CDIN1: variants seen among roughly 807,000 people sequenced by gnomAD.
The protein encoded by CDIN1 is CDAN1 interacting nuclease 1, also known as CDAN1-interacting nuclease 1.
Under a neutral mutation model 45.3 loss-of-function variants are expected in CDIN1, and 33 were observed. That is an observed-to-expected ratio of 0.73 (90% CI 0.55 to 0.97). CDIN1 has a LOEUF of 0.97. Among genes scored for constraint, CDIN1 ranks in the 50% least tolerant of loss-of-function variants. The pLI is 0.00. For missense variants in CDIN1, 303 were observed against 339.4 expected, an observed-to-expected ratio of 0.89 and a Z score of 0.84; for synonymous variants, 118 against 124.4, an observed-to-expected ratio of 0.95 and a Z score of 0.34.
intron 10 of CDIN1, among the ~76,000 whole-genome samples, chr15:36,794,309 CAGCCTCCCAA>C (rs1442279307): frequency 6.6e-6 from 1 of 152,134 alleles, no homozygotes; most frequent in Non-Finnish European, 1.5e-5. Context: ...CTACCCACCT[CAGCCTCCCAA>C]AGTGCTGGGA....
intron 10 of CDIN1, among the ~76,000 whole-genome samples, chr15:36,785,553 C>T (rs2054468053): frequency 6.6e-6 from 1 of 152,178 alleles, no homozygotes. Flanking sequence ...CATTCACATA[C>T]ACACCTTAGA....
At chr15:36,690,070 A>G (rs2042188384) in intron 5 of CDIN1, among the ~76,000 whole-genome samples, 1 of 152,208 alleles carries the variant, frequency 6.6e-6, no homozygotes, top group African/African-American at 2.4e-5. Flanking sequence ...GAGATTCCAT[A>G]TGACCTTTTC....
chr15:36,645,399 T>C lies in CDIN1; in HGVS notation c.212+112T>C, dbSNP rs1045163561. The C allele has an allele frequency of 1.2e-5, 12 of 979,766 alleles. No individual in the cohort carries two copies. In the African/African-American group the frequency reaches 1.3e-4, roughly 11 times the overall value. The allele number at this position is 979,766 out of a possible 1,614,324, so 60.7% of individuals were successfully genotyped here. On this transcript the variant is annotated intron_variant, in intron 3 of 10. Coordinates refer to ENST00000566621, the MANE Select transcript of CDIN1 (RefSeq NM_001321759.2). The stretch of plus-strand genomic sequence containing the variant: ...ATGTCATATCCCAAGACATTGTGTT[T>C]TAAGTATTTTATTCAAAACTTTTAG...
In CDIN1 at chr15:36,703,073, C is replaced by T. The variant is rs533826499; in HGVS notation, c.544+5683C>T. Among the ~76,000 whole-genome samples, 4 of 150,488 alleles carry T rather than the reference C, an allele frequency of 2.7e-5. No individual in the cohort carries two copies. The East Asian group carries it at 8.0e-4, about 30-fold the overall frequency. On this transcript the variant is annotated intron_variant, in intron 8 of 10. Coordinates refer to ENST00000566621, the MANE Select transcript of CDIN1 (RefSeq NM_001321759.2). ...CCACTCTACAAAAAATAAAAAACAG[C>T]CAGGTGTGGTGGTGCACGCCTGTTG... is the stretch of plus-strand genomic sequence containing the variant.
chr15:36,648,467 T>C (rs1330936795), intron 3 of CDIN1, among the ~76,000 whole-genome samples: 1 of 123,482 alleles, frequency 8.1e-6, no homozygotes, highest in Admixed American at 1.1e-4. Flanking sequence ...AGTCTCCCTC[T>C]GTCGCCCAGG....
At chr15:36,779,164 C>T in intron 10 of CDIN1, among the ~76,000 whole-genome samples, 1 of 152,224 alleles carries the variant, frequency 6.6e-6, no homozygotes, top group East Asian at 1.9e-4. Flanking sequence ...CATTAAAATC[C>T]TTCTCAACAC....
At chr15:36,740,440 A>G (rs1045320108) in intron 10 of CDIN1, among the ~76,000 whole-genome samples, 8 of 152,124 alleles carry the variant, frequency 5.3e-5, no homozygotes, top group African/African-American at 1.9e-4. Flanking sequence ...CAGGGACCAG[A>G]CAGATAACAG....
chr15:36,692,835 C>T (rs1483683118), intron 7 of CDIN1, among the ~76,000 whole-genome samples: 2 of 152,114 alleles, frequency 1.3e-5, no homozygotes, highest in Non-Finnish European at 2.9e-5. Context: ...ATTGAACAGA[C>T]AGTAACTACA....
chr15:36,596,570 GC>G (rs2037842715), intron 1 of CDIN1, among the ~76,000 whole-genome samples: 2 of 152,196 alleles, frequency 1.3e-5, no homozygotes. Flanking sequence ...AAAATTAGTT[GC>G]CAACTTGATA....
chr15:36,767,951 T>C (rs1232730565), intron 10 of CDIN1, among the ~76,000 whole-genome samples: 1 of 152,206 alleles, frequency 6.6e-6, no homozygotes, highest in Non-Finnish European at 1.5e-5. Context: ...AATTATTGAT[T>C]GAGTTTCTTC....
chr15:36,774,163 T>TGTGTGTGTGTGTGTGTGTGTGCGC (rs149222188), intron 10 of CDIN1, among the ~76,000 whole-genome samples: 12 of 143,068 alleles, frequency 8.4e-5, no homozygotes, highest in African/African-American at 3.2e-4. Context: ...TGTGTGTGTG[T>TGTGTGTGTGTGTGTGTGTGTGCGC]GCGCGCGCGC....
At chr15:36,630,149 C>G (rs1031794357) in intron 1 of CDIN1, among the ~76,000 whole-genome samples, 1 of 152,172 alleles carries the variant, frequency 6.6e-6, no homozygotes, top group African/African-American at 2.4e-5. Flanking sequence ...GATCTTCTCA[C>G]TCTGTGGTTT....
At chr15:36,611,024 C>T (rs541280793) in intron 1 of CDIN1, among the ~76,000 whole-genome samples, 16 of 152,314 alleles carry the variant, frequency 1.1e-4, no homozygotes, top group African/African-American at 3.8e-4. Context: ...GATGATGCTT[C>T]TGACTCATTC....
intron 10 of CDIN1, among the ~76,000 whole-genome samples, chr15:36,756,408 G>T (rs1377821426): frequency 1.3e-5 from 2 of 152,138 alleles, no homozygotes; most frequent in Non-Finnish European, 2.9e-5. Flanking sequence ...GCTTAGAACT[G>T]ACAAAAAGAA....
intron 1 of CDIN1, among the ~76,000 whole-genome samples, chr15:36,602,806 G>A (rs549820720): frequency 1.2e-4 from 18 of 151,964 alleles, no homozygotes; most frequent in Middle Eastern, 6.8e-3. Context: ...GTGAAACCCC[G>A]TCTCTACTAA....
chr15:36,722,750 T>C (rs1401092824), intron 10 of CDIN1, among the ~76,000 whole-genome samples: 4 of 152,324 alleles, frequency 2.6e-5, no homozygotes, highest in East Asian at 1.9e-4. Flanking sequence ...TTCTCACATA[T>C]GTGGAATATG....
intron 10 of CDIN1, among the ~76,000 whole-genome samples, chr15:36,751,229 T>TATATATATATATATATATATATATATA (rs1555404178): frequency 3.1e-5 from 3 of 97,612 alleles, no homozygotes; most frequent in Non-Finnish European, 5.7e-5. Context: ...TATGCTTATT[T>TATATATATATATATATATATATATATA]TATATATATA....
intron 7 of CDIN1, 146 bp from the exon 8 acceptor site, chr15:36,697,177 T>G (rs1391441420): frequency 1.4e-6 from 1 of 696,386 alleles, no homozygotes; most frequent in Non-Finnish European, 2.5e-6. Context: ...ATCCAATTAT[T>G]TAAATGAGGG....
In CDIN1 at chr15:36,686,707, C is replaced by T. The variant is rs528330467; in HGVS notation, c.347-4978C>T. On this transcript the variant is annotated intron_variant, in intron 5 of 10. Transcript: ENST00000566621. ...CCAGCCTGGCAACATAGTGAAACCC[C>T]GTCTCTACTAAAAAAAATACAAGAA... Among the ~76,000 whole-genome samples, 27 of 150,584 alleles carry T rather than the reference C, an allele frequency of 1.8e-4. No individual in the cohort carries two copies. In the South Asian group the frequency reaches 4.2e-3, roughly 24 times the overall value.
Sources: gnomAD v4.1 joint callset for allele counts (sites outside exome capture counted in the v4.1 genomes callset) on GRCh38, gnomAD v4.1.1 for gene constraint, MANE v1.5 for transcripts, NCBI Gene and HGNC (gene_info 2026-07-23, HGNC 2026-07-21) for gene names.